NYNRIN: variants seen among roughly 807,000 people sequenced by gnomAD.
NYNRIN encodes the protein protein NYNRIN.
NYNRIN carries 86 observed loss-of-function variants against 146.6 expected under a neutral mutation model. That is an observed-to-expected ratio of 0.59 (90% CI 0.49 to 0.70). The LOEUF (loss-of-function observed/expected upper bound fraction) is 0.70, where lower values mean the gene tolerates loss of function less well. Among genes scored for constraint, NYNRIN ranks in the 30% least tolerant of loss-of-function variants. The pLI, the probability that NYNRIN is intolerant of heterozygous loss-of-function variation, is 0.00. For synonymous variants in NYNRIN, 1,027 were observed against 1,001.3 expected (o/e 1.03, Z -0.48); for missense variants, 2,191 against 2,377.7 (o/e 0.92, Z 1.63).
intron 2 of NYNRIN, among the ~76,000 whole-genome samples, chr14:24,403,331 C>T (rs1302917075): frequency 6.6e-6 from 1 of 152,188 alleles, no homozygotes; most frequent in African/African-American, 2.4e-5. Flanking sequence ...GTCAGTCTAT[C>T]AGTTCAAGGT....
chr14:24,410,864 T>TGCACAC (rs2042908309), intron 4 of NYNRIN, among the ~76,000 whole-genome samples: 1 of 152,252 alleles, frequency 6.6e-6, no homozygotes, highest in African/African-American at 2.4e-5. Context: ...CACAGGTACA[T>TGCACAC]GCACACACAC....
rs780546549 is a variant in NYNRIN at position 24,417,481 on chromosome 14, C to G, written c.*35C>G. On this transcript the variant is annotated 3_prime_UTR_variant, in exon 9 of 9. Coordinates refer to ENST00000382554, the MANE Select transcript of NYNRIN (RefSeq NM_025081.3). ...GCGGGGGTGCCCCCTGCCCCAGGGC[C>G]GTGGGTTTCTGCTGCTAGGCCTCCC... The G allele has an allele frequency of 2.1e-6, 3 of 1,438,288 alleles. No individual in the cohort carries two copies. The highest frequency in any genetic ancestry group is 2.7e-6 in the Non-Finnish European group (3 of 1,098,912). 89.1% of individuals were successfully genotyped at this position (1,438,288 alleles called of 1,614,324 possible).
In NYNRIN at chr14:24,416,533, T is replaced by C. The variant is rs1212537633; in HGVS notation, c.4784T>C (p.Ile1595Thr). 1 of 1,613,864 alleles carries C rather than the reference T, an allele frequency of 6.2e-7. No homozygotes were observed. The highest frequency in any genetic ancestry group is 8.5e-7 in the Non-Finnish European group (1 of 1,179,858). ...TTGTTCTGCATCCCCCGAAATCTCATAGGCAGCGAGTTGAAGGTTATTGAG... is the reference window on the plus strand; with the variant it reads ...TTGTTCTGCATCCCCCGAAATCTCACAGGCAGCGAGTTGAAGGTTATTGAG... ...SCLFCIPRNL[I>T]GSELKVIESP... is the part of the protein sequence containing the mutation. The change falls in exon 9 of 9, where the codon ATA (isoleucine) becomes ACA (threonine). Residue 1595 changes from isoleucine (I) to threonine (T), a missense_variant. Physicochemically the swap from Ile to Thr is moderately conservative, Grantham distance 89 (BLOSUM62 -1). Transcript: ENST00000382554.
intron 6 of NYNRIN, among the ~76,000 whole-genome samples, chr14:24,412,019 A>G (rs985529321): frequency 4.6e-5 from 7 of 152,288 alleles, no homozygotes; most frequent in African/African-American, 1.4e-4. Context: ...AGGGCAGGGA[A>G]GGCCCTGGCA....
chr14:24,409,211 A>C lies in NYNRIN; in HGVS notation c.1417A>C (p.Ser473Arg). The change falls in exon 4 of 9, where the codon AGC becomes CGC. Residue 473 changes from serine to arginine, a missense_variant. By Grantham distance (110) the Ser-to-Arg change is moderately radical. This residue lies in a region of NYNRIN where 895 missense variants were observed against 941.2 expected (regional missense o/e 0.95). Coordinates refer to ENST00000382554, the MANE Select transcript of NYNRIN (RefSeq NM_025081.3). ...GAGCTCAGATGTAAAAGACAAAGTT[A>C]GCTCGGATCTCCCACAGATAGGGCC... is the stretch of plus-strand genomic sequence containing the variant. ...PGSSDVKDKV[S>R]SDLPQIGPPL... is the part of the protein sequence containing the mutation. 6.2e-7 allele frequency: 1 copy of C among 1,613,970 alleles called. No homozygotes were observed.
chr14:24,407,548 G>A (rs1216589739), intron 2 of NYNRIN, among the ~76,000 whole-genome samples: 3 of 152,186 alleles, frequency 2.0e-5, no homozygotes, highest in Non-Finnish European at 4.4e-5. Context: ...AAGAGACTGC[G>A]GTGCTGAGAA....
chr14:24,408,833 T>G lies in NYNRIN; in HGVS notation c.1039T>G (p.Trp347Gly), dbSNP rs749396579. ...ATCAGCCCTGGGTGTGTGCCCACCC[T>G]GGAAGGCCTGGACCCCGGGGCCAGC... The part of the protein sequence containing the change: ...PVSALGVCPP[W>G]KAWTPGPAFG... Residue 347 changes from tryptophan to glycine, a missense_variant, in exon 4 of 9, where the codon TGG becomes GGG. Physicochemically the swap from Trp to Gly is radical, Grantham distance 184 (BLOSUM62 -2). Coordinates refer to ENST00000382554, the MANE Select transcript of NYNRIN (RefSeq NM_025081.3). 24 of 1,613,914 alleles carry G rather than the reference T, an allele frequency of 1.5e-5. No individual in the cohort carries two copies. The African/African-American group carries it at 2.9e-4, about 20-fold the overall frequency.
chr14:24,407,747 T>G (rs2139345865), intron 2 of NYNRIN, 122 bp from the exon 3 acceptor site: 1 of 857,852 alleles, frequency 1.2e-6, no homozygotes, highest in Non-Finnish European at 1.8e-6. Flanking sequence ...TCATGGTGGA[T>G]GGGGGGTGGT....
At position 24,415,184 on chromosome 14, in the gene NYNRIN, G is replaced by T; in HGVS notation, c.3435G>T (p.Leu1145=). The change falls in exon 9 of 9, where the codon CTG becomes CTT. Residue 1145 remains leucine, a synonymous_variant. Coordinates refer to ENST00000382554, the MANE Select transcript of NYNRIN (RefSeq NM_025081.3). ...EEAFLALKRA[L]VSALCLMAPN... is the part of the protein sequence containing the mutation. ...CCTTCCTGGCCCTGAAGCGAGCCCT[G>T]GTGTCTGCCCTCTGCCTGATGGCCC... 6.2e-7 allele frequency: 1 copy of T among 1,609,210 alleles called. No homozygotes were observed. Among genetic ancestry groups the T allele is most frequent in the African/African-American group, 1.3e-5 (1 of 75,008 alleles).
At chr14:24,407,572 C>T (rs2042882194) in intron 2 of NYNRIN, among the ~76,000 whole-genome samples, 1 of 152,174 alleles carries the variant, frequency 6.6e-6, no homozygotes, top group African/African-American at 2.4e-5. Flanking sequence ...GATAGATGCC[C>T]CACAATTAAC....
At chr14:24,410,351 G>A (rs2042905240) in intron 4 of NYNRIN, 143 bp downstream of exon 4, 1 of 671,314 alleles carries the variant, frequency 1.5e-6, no homozygotes, top group Admixed American at 3.0e-5. Flanking sequence ...GTCCATCCAT[G>A]TTGAATGGCT....
At position 24,411,324 on chromosome 14, in the gene NYNRIN, C is replaced by T. The variant is rs2042911578; in HGVS notation, c.2546-30C>T. Reference sequence around the variant, plus strand: ...CCATTTCCACTTAGCCCTCCCTTGACCATTTCTGTCTTCTGCCTTTCACCC... The same window carrying T: ...CCATTTCCACTTAGCCCTCCCTTGATCATTTCTGTCTTCTGCCTTTCACCC... On this transcript the variant is annotated intron_variant, in intron 5 of 8. Coordinates refer to ENST00000382554, the MANE Select transcript of NYNRIN (RefSeq NM_025081.3). The surrounding 1 kb of genome is among the most constrained non-coding windows in gnomAD (Gnocchi z 4.3). 6.2e-7 allele frequency: 1 copy of T among 1,613,176 alleles called. No homozygotes were observed. The highest frequency in any genetic ancestry group is 8.5e-7 in the Non-Finnish European group (1 of 1,179,154).
chr14:24,409,474 A>C lies in NYNRIN; in HGVS notation c.1680A>C (p.Arg560Ser). 1 of 1,613,936 alleles carries C rather than the reference A, an allele frequency of 6.2e-7. No individual in the cohort carries two copies. Among genetic ancestry groups the C allele is most frequent in the Non-Finnish European group, 8.5e-7 (1 of 1,179,872 alleles). The part of the protein sequence containing the change: ...AAVPKAENPS[R>S]TQVPSAAPKL... ...TGCCCAAAGCTGAAAATCCCTCCAG[A>C]ACTCAAGTGCCATCTGCAGCTCCCA... Residue 560 changes from arginine to serine, a missense_variant, in exon 4 of 9, where the codon AGA becomes AGC. This residue lies in a region of NYNRIN where 895 missense variants were observed against 941.2 expected (regional missense o/e 0.95). Coordinates refer to ENST00000382554, the MANE Select transcript of NYNRIN (RefSeq NM_025081.3).
chr14:24,418,179 G>T lies in NYNRIN; in HGVS notation c.*733G>T. 1 of 441,238 alleles carries T rather than the reference G, an allele frequency of 2.3e-6. No individual in the cohort carries two copies. Among genetic ancestry groups the T allele is most frequent in the South Asian group, 1.6e-5 (1 of 62,706 alleles). 27.3% of individuals were successfully genotyped at this position (441,238 alleles called of 1,614,324 possible). On this transcript the variant is annotated 3_prime_UTR_variant, in exon 9 of 9. Transcript: ENST00000382554. ...ACCTCATTTGACTCCAGCCAATGGAGACAATTCCTGACCCCTGCTTTGATG... is the reference window on the plus strand; with the variant it reads ...ACCTCATTTGACTCCAGCCAATGGATACAATTCCTGACCCCTGCTTTGATG...
chr14:24,416,907 T>G lies in NYNRIN; in HGVS notation c.5158T>G (p.Trp1720Gly), dbSNP rs2042951868. ...CTGCCTGACGAGCTCAGGGGCCTACTGGGAATTCAAGAGGGCCCTCAAGGA... is the reference window on the plus strand; with the variant it reads ...CTGCCTGACGAGCTCAGGGGCCTACGGGGAATTCAAGAGGGCCCTCAAGGA... ...FPCLTSSGAY[W>G]EFKRALKEFI... The change falls in exon 9 of 9, where the codon TGG becomes GGG. Residue 1720 changes from tryptophan to glycine, a missense_variant. This residue lies in a region of NYNRIN where 1,291 missense variants were observed against 1,417.0 expected (regional missense o/e 0.91). Transcript: ENST00000382554. 1.9e-6 allele frequency: 3 copies of G among 1,603,922 alleles called. No individual in the cohort carries two copies. The highest frequency in any genetic ancestry group is 3.4e-5 in the Admixed American group (2 of 59,088).
In NYNRIN at chr14:24,414,604, C is replaced by T. The variant is rs780970857; in HGVS notation, c.2855C>T (p.Thr952Ile). The change falls in exon 9 of 9, where the codon ACT (threonine) becomes ATT (isoleucine). Residue 952 changes from threonine (T) to isoleucine (I), a missense_variant. Around this residue, in one of 3 missense-constraint regions of NYNRIN, gnomAD observed 1,291 missense variants for 1,417.0 expected, o/e 0.91. Coordinates refer to ENST00000382554, the MANE Select transcript of NYNRIN (RefSeq NM_025081.3). ...CATCTGTTTTGGTGTAGGTTGGACA[C>T]TGACATTGGCAACTTCCTGAAGGTG... ...EFLKKPNRLDTDIGNFLKVWK... is the reference protein window; with the variant it reads ...EFLKKPNRLDIDIGNFLKVWK... The T allele has an allele frequency of 6.2e-7, 1 of 1,610,286 alleles. No individual in the cohort carries two copies. The highest frequency in any genetic ancestry group is 1.1e-5 in the South Asian group (1 of 90,664).
At position 24,417,319 on chromosome 14, in the gene NYNRIN, G is replaced by A. The variant is rs1371762480; in HGVS notation, c.5570G>A (p.Ser1857Asn). The A allele has an allele frequency of 1.9e-6, 3 of 1,612,130 alleles. No individual in the cohort carries two copies. The highest frequency in any genetic ancestry group is 2.5e-6 in the Non-Finnish European group (3 of 1,179,058). The stretch of plus-strand genomic sequence containing the variant: ...CCCTTCTATATCGGGGACCGGCTGA[G>A]CCTGTCACTCTATAGGATATGGGGC... ...VGPFYIGDRL[S>N]LSLYRIWGFP... Residue 1857 changes from serine to asparagine, a missense_variant, in exon 9 of 9, where the codon AGC (serine) becomes AAC (asparagine). Physicochemically the swap from Ser to Asn is conservative, Grantham distance 46. This residue lies in a region of NYNRIN where 1,291 missense variants were observed against 1,417.0 expected (regional missense o/e 0.91). Coordinates refer to ENST00000382554, the MANE Select transcript of NYNRIN (RefSeq NM_025081.3).
chr14:24,399,537 C>T, intron 2 of NYNRIN, 93 bp downstream of exon 2: 1 of 1,129,410 alleles, frequency 8.9e-7, no homozygotes, highest in Non-Finnish European at 1.3e-6. Flanking sequence ...GAGACACCAC[C>T]CACCCTGCCC....
At chr14:24,406,974 T>A (rs2042878743) in intron 2 of NYNRIN, among the ~76,000 whole-genome samples, 1 of 152,200 alleles carries the variant, frequency 6.6e-6, no homozygotes, top group Non-Finnish European at 1.5e-5. Context: ...TCTTTAGCTA[T>A]TGTGTGTATG....
Sources: gnomAD v4.1 joint callset for allele counts (sites outside exome capture counted in the v4.1 genomes callset) on GRCh38, gnomAD v4.1.1 for gene constraint, gnomAD v4.1.1 regional missense constraint, Gnocchi (gnomAD v3.1) non-coding constraint, MANE v1.5 for transcripts, NCBI Gene and HGNC (gene_info 2026-07-23, HGNC 2026-07-21) for gene names.